Variants in PRICKLE1 observed in about 807,000 individuals in gnomAD.
PRICKLE1 encodes prickle-like protein 1.
Under a neutral mutation model 70.2 loss-of-function variants are expected in PRICKLE1, and 14 were observed. The observed-to-expected ratio is 0.20, with a 90% CI of 0.13 to 0.31. PRICKLE1 has a LOEUF of 0.31. Among genes scored for constraint, PRICKLE1 ranks in the 10% least tolerant of loss-of-function variants. The pLI, the probability that PRICKLE1 is intolerant of heterozygous loss-of-function variation, is 1.00. For missense variants in PRICKLE1, 821 were observed against 1,026.2 expected (o/e 0.80, Z 2.73); for synonymous variants, 357 against 379.9 (o/e 0.94, Z 0.70).
chr12:42,533,558 CA>C (rs1939962723), intron 1 of PRICKLE1, among the ~76,000 whole-genome samples: 1 of 152,046 alleles, frequency 6.6e-6, no homozygotes, highest in South Asian at 2.1e-4. Context: ...GTTAAATAAC[CA>C]TTTGTTAAGT....
At chr12:42,576,983 A>C (rs370741936) in intron 1 of PRICKLE1, among the ~76,000 whole-genome samples, 13 of 152,330 alleles carry the variant, frequency 8.5e-5, no homozygotes, top group Non-Finnish European at 1.3e-4. Flanking sequence ...TTTGGAAGAT[A>C]AGAAAGTTAT....
intron 1 of PRICKLE1, among the ~76,000 whole-genome samples, chr12:42,476,465 A>G (rs1234687692): frequency 6.6e-6 from 1 of 151,452 alleles, no homozygotes; most frequent in African/African-American, 2.4e-5. Flanking sequence ...TACAGGCGTG[A>G]GCCACTGCAC....
At chr12:42,477,512 A>T (rs61924384) in intron 1 of PRICKLE1, among the ~76,000 whole-genome samples, 1 of 24,982 alleles carries the variant, frequency 4.0e-5, no homozygotes. Flanking sequence ...ATATATATAT[A>T]TATATATATA....
intron 1 of PRICKLE1, among the ~76,000 whole-genome samples, chr12:42,548,122 G>A (rs1940245463): frequency 6.6e-6 from 1 of 152,078 alleles, no homozygotes; most frequent in African/African-American, 2.4e-5. Context: ...CTGGGCTTAC[G>A]AGATTCTCCT....
intron 1 of PRICKLE1, among the ~76,000 whole-genome samples, chr12:42,486,803 G>C (rs926543819): frequency 6.6e-6 from 1 of 152,180 alleles, no homozygotes; most frequent in African/African-American, 2.4e-5. Flanking sequence ...TATAACTACT[G>C]TAAGTTCCAG....
intron 1 of PRICKLE1, among the ~76,000 whole-genome samples, chr12:42,577,375 C>T (rs1202192602): frequency 1.3e-5 from 2 of 151,842 alleles, no homozygotes; most frequent in Admixed American, 6.6e-5. Context: ...AGTGTATATT[C>T]TGTTAGGCCC....
chr12:42,469,753 C>G (rs1593113147), intron 3 of PRICKLE1, 166 bp from the exon 4 acceptor site: 1 of 795,014 alleles, frequency 1.3e-6, no homozygotes. Flanking sequence ...TACAGCCTCT[C>G]TAGAAAAAGG....
chr12:42,562,170 AAAGTGCTGGGATTACAGGTGT>A (rs1285306292), intron 1 of PRICKLE1, among the ~76,000 whole-genome samples: 3 of 152,158 alleles, frequency 2.0e-5, no homozygotes, highest in Non-Finnish European at 2.9e-5. Context: ...TTGGTCTCCC[AAAGTGCTGGGATTACAGGTGT>A]AAGCCACTGT....
intron 1 of PRICKLE1, among the ~76,000 whole-genome samples, chr12:42,553,076 T>C (rs960646993): frequency 1.3e-5 from 2 of 152,106 alleles, no homozygotes; most frequent in African/African-American, 4.8e-5. Flanking sequence ...CTGGTACTGG[T>C]CTTTGGCCTG....
chr12:42,520,022 C>T lies in PRICKLE1; in HGVS notation c.-48-47458G>A, dbSNP rs192597615. 1.0e-2 allele frequency among the ~76,000 whole-genome samples: 1,517 copies of T among 152,290 alleles called. 13 individuals are homozygous for T. The highest frequency in any genetic ancestry group is 0.013 in the Non-Finnish European group (902 of 68,022). On this transcript the variant is annotated intron_variant, in intron 1 of 7. Transcript: ENST00000345127. ...CAGGATGGGGTATTTCAACCCCCTC[C>T]ATACAAGTTCTGATAAGGCATGCCT...
intron 1 of PRICKLE1, among the ~76,000 whole-genome samples, chr12:42,493,960 T>G (rs1203871097): frequency 2.6e-5 from 4 of 152,136 alleles, no homozygotes; most frequent in Non-Finnish European, 5.9e-5. Context: ...ATATTGTGAG[T>G]TCACTTCCAG....
intron 1 of PRICKLE1, among the ~76,000 whole-genome samples, chr12:42,572,460 TA>T (rs1566132142): frequency 1.7e-4 from 26 of 149,070 alleles, no homozygotes; most frequent in African/African-American, 6.1e-4. Context: ...AATAAATAAA[TA>T]AATAAATAAA....
At chr12:42,529,720 C>T (rs758818977) in intron 1 of PRICKLE1, among the ~76,000 whole-genome samples, 34 of 152,150 alleles carry the variant, frequency 2.2e-4, no homozygotes, top group South Asian at 4.1e-4. Flanking sequence ...CGTGGTAAAA[C>T]GCCATCTCTA....
At chr12:42,581,647 T>G (rs185498757) in intron 1 of PRICKLE1, among the ~76,000 whole-genome samples, 1 of 151,466 alleles carries the variant, frequency 6.6e-6, no homozygotes, top group African/African-American at 2.4e-5. Flanking sequence ...CTTGGGAGGC[T>G]GAGACAGGAG....
intron 1 of PRICKLE1, among the ~76,000 whole-genome samples, chr12:42,504,459 T>A (rs959853037): frequency 1.3e-5 from 2 of 152,242 alleles, no homozygotes; most frequent in African/African-American, 4.8e-5. Flanking sequence ...TCTACAAATG[T>A]GTTGCTTCTC....
At chr12:42,494,755 C>T (rs779635002) in intron 1 of PRICKLE1, among the ~76,000 whole-genome samples, 6 of 148,584 alleles carry the variant, frequency 4.0e-5, no homozygotes, top group Non-Finnish European at 7.4e-5. Context: ...TGCAGTGAGC[C>T]GAGATCATGC....
At chr12:42,467,184 C>T (rs575397794) in intron 5 of PRICKLE1, among the ~76,000 whole-genome samples, 4 of 151,954 alleles carry the variant, frequency 2.6e-5, no homozygotes, top group Non-Finnish European at 4.4e-5. Flanking sequence ...GGCGTGACCT[C>T]GGCTCACTGC....
chr12:42,564,036 A>T (rs897481682), intron 1 of PRICKLE1, among the ~76,000 whole-genome samples: 3 of 151,990 alleles, frequency 2.0e-5, no homozygotes, highest in Admixed American at 2.0e-4. Context: ...AGGTGGGCAG[A>T]TCACAAGGTC....
Position 42,464,405 on chromosome 12 carries a change from G to A in PRICKLE1, c.1629C>T (p.Ser543=), listed in dbSNP as rs748556304. 1.7e-4 allele frequency: 268 copies of A among 1,613,820 alleles called. No homozygotes were observed. Among genetic ancestry groups the A allele is most frequent in the Non-Finnish European group, 2.2e-4 (265 of 1,180,020 alleles). The change falls in exon 7 of 8, where the codon TCC becomes TCT. Residue 543 remains serine, a synonymous_variant. Transcript: ENST00000345127. This position sits in a 1 kb window ranked among gnomAD's most constrained non-coding sequence, Gnocchi z 4.2. ...CCCTAGATTACGTACCTGTGATATT[G>A]GACAATGCCAAAGAATCCATCGAAT... ...VRDSMDSLAL[S]NITGASVDGE...
Sources: allele counts gnomAD v4.1 joint callset (sites outside exome capture counted in the v4.1 genomes callset), GRCh38; gene constraint gnomAD v4.1.1; non-coding constraint Gnocchi (gnomAD v3.1); transcripts MANE v1.5; gene names NCBI Gene and HGNC (gene_info 2026-07-23, HGNC 2026-07-21).